NPAS3: variants seen among roughly 807,000 people sequenced by gnomAD.
The protein encoded by NPAS3 is neuronal PAS domain-containing protein 3.
NPAS3 carries 14 observed loss-of-function variants against 73.1 expected under a neutral mutation model. The ratio of observed to expected loss-of-function variants is 0.19; its 90% CI spans 0.13 to 0.30. NPAS3 has a LOEUF of 0.30. NPAS3 is among the 10% of genes least tolerant of loss of function. The probability of loss-of-function intolerance (pLI) is 1.00; values close to 1 mark genes in which losing one functional copy is unlikely to be tolerated. For synonymous variants in NPAS3, 620 were observed against 541.5 expected (o/e 1.14, Z -2.01); for missense variants, 1,096 against 1,250.0 (o/e 0.88, Z 1.86).
In NPAS3 at chr14:33,735,198, T is replaced by A. The variant is rs1198296294; in HGVS notation, c.734-16T>A. On this transcript the variant is annotated splice_polypyrimidine_tract_variant and intron_variant, in intron 6 of 11. Transcript: ENST00000356141. ...AAGATCTAAATCGTGTGTGTCTGTA[T>A]TTTTGTATTCCTCAGTGGAGTCAAC... The A allele has an allele frequency of 6.3e-7, 1 of 1,580,344 alleles. No homozygotes were observed. Among genetic ancestry groups the A allele is most frequent in the African/African-American group, 1.3e-5 (1 of 74,206 alleles).
At chr14:33,163,195 G>A (rs1171797175) in intron 2 of NPAS3, among the ~76,000 whole-genome samples, 1 of 152,146 alleles carries the variant, frequency 6.6e-6, no homozygotes, top group Admixed American at 6.6e-5. Context: ...TTACCTCAAG[G>A]TGTTTAGTTC....
chr14:33,417,017 A>G (rs562762656), intron 4 of NPAS3, among the ~76,000 whole-genome samples: 19 of 152,094 alleles, frequency 1.2e-4, no homozygotes, highest in African/African-American at 4.6e-4. Context: ...TTATATTTAT[A>G]TGATTCTTAT....
At chr14:33,782,566 T>C (rs1382933010) in intron 9 of NPAS3, among the ~76,000 whole-genome samples, 1 of 152,188 alleles carries the variant, frequency 6.6e-6, no homozygotes, top group Admixed American at 6.5e-5. Flanking sequence ...AAGAGTGGCC[T>C]AGGGGAAAAC....
At chr14:33,331,823 T>G (rs1204809361) in intron 3 of NPAS3, among the ~76,000 whole-genome samples, 1 of 152,220 alleles carries the variant, frequency 6.6e-6, no homozygotes, top group Non-Finnish European at 1.5e-5. Flanking sequence ...ATGAGTAAAA[T>G]ATTCTTACGT....
chr14:33,771,793 A>G (rs2062662209), intron 7 of NPAS3, among the ~76,000 whole-genome samples: 1 of 152,100 alleles, frequency 6.6e-6, no homozygotes, highest in South Asian at 2.1e-4. Flanking sequence ...CCTGGGCGAC[A>G]GAGCGAGACT....
intron 5 of NPAS3, among the ~76,000 whole-genome samples, chr14:33,647,613 C>G (rs2058871023): frequency 6.6e-6 from 1 of 152,100 alleles, no homozygotes; most frequent in Admixed American, 6.6e-5. Flanking sequence ...GCTATTTACA[C>G]TGAAATTTTT....
At chr14:33,113,576 A>G (rs1232929223) in intron 2 of NPAS3, among the ~76,000 whole-genome samples, 20 of 151,994 alleles carry the variant, frequency 1.3e-4, no homozygotes, top group Admixed American at 1.3e-3. Flanking sequence ...GGCTGAGACA[A>G]TAGGGTTTTC....
chr14:33,643,911 C>T (rs1256249369), intron 5 of NPAS3, among the ~76,000 whole-genome samples: 1 of 151,980 alleles, frequency 6.6e-6, no homozygotes, highest in Non-Finnish European at 1.5e-5. Flanking sequence ...CTAAAGACTG[C>T]TTGTCTTGTC....
At chr14:33,327,296 G>A (rs976894409) in intron 3 of NPAS3, among the ~76,000 whole-genome samples, 1 of 152,178 alleles carries the variant, frequency 6.6e-6, no homozygotes, top group African/African-American at 2.4e-5. Context: ...TGTGCTAAAA[G>A]TTGTATGTAC....
chr14:33,680,022 A>T (rs2059888691), intron 6 of NPAS3, among the ~76,000 whole-genome samples: 1 of 152,200 alleles, frequency 6.6e-6, no homozygotes. Context: ...TGACTGGAAC[A>T]TTTTGGAAGA....
intron 5 of NPAS3, among the ~76,000 whole-genome samples, chr14:33,660,968 TAA>T (rs1226266170): frequency 6.6e-6 from 1 of 152,224 alleles, no homozygotes; most frequent in Non-Finnish European, 1.5e-5. Flanking sequence ...TGATATGTGT[TAA>T]GAGTCTTTCT....
At chr14:33,532,683 G>A (rs2054096961) in intron 4 of NPAS3, among the ~76,000 whole-genome samples, 2 of 152,058 alleles carry the variant, frequency 1.3e-5, no homozygotes, top group Non-Finnish European at 1.5e-5. Flanking sequence ...GCTGTAAGTC[G>A]CTATTATCCA....
At chr14:33,145,726 G>T (rs778589176) in intron 2 of NPAS3, among the ~76,000 whole-genome samples, 1 of 152,008 alleles carries the variant, frequency 6.6e-6, no homozygotes, top group Middle Eastern at 3.4e-3. Context: ...TTGCCTATTC[G>T]TTTCTTTCCT....
intron 5 of NPAS3, among the ~76,000 whole-genome samples, chr14:33,571,225 A>G (rs115350964): frequency 0.011 from 1,640 of 152,280 alleles, 32 homozygotes; most frequent in African/African-American, 0.037. Context: ...GCTGCTAGTC[A>G]GGCCAGTGAC....
chr14:33,459,213 A>G (rs552138514), intron 4 of NPAS3, among the ~76,000 whole-genome samples: 1 of 152,178 alleles, frequency 6.6e-6, no homozygotes, highest in Admixed American at 6.5e-5. Context: ...ACTGACCTGT[A>G]TCTTGTGCCG....
intron 5 of NPAS3, among the ~76,000 whole-genome samples, chr14:33,583,706 A>G (rs180844824): frequency 8.5e-4 from 129 of 152,364 alleles, no homozygotes; most frequent in Non-Finnish European, 1.6e-3. Flanking sequence ...TTTTAAAGAG[A>G]CTATAGACAT....
At chr14:33,051,273 T>C in intron 1 of NPAS3, among the ~76,000 whole-genome samples, 1 of 66,194 alleles carries the variant, frequency 1.5e-5, no homozygotes, top group Admixed American at 1.6e-4. Context: ...AGAGCGAGAC[T>C]CCGTCTCAAA....
chr14:33,660,370 G>C lies in NPAS3; in HGVS notation c.559-15841G>C, dbSNP rs192293885. ...CTAAACTGAAACTGTTATTCCTGAGGCTTCCTTGTTCTTTTATGGATAAAG... is the reference window on the plus strand; with the variant it reads ...CTAAACTGAAACTGTTATTCCTGAGCCTTCCTTGTTCTTTTATGGATAAAG... On this transcript the variant is annotated intron_variant, in intron 5 of 11. Transcript: ENST00000356141. 8.5e-5 allele frequency among the ~76,000 whole-genome samples: 13 copies of C among 152,212 alleles called. No homozygotes were observed. The East Asian group carries it at 2.3e-3, about 27-fold the overall frequency.
chr14:33,118,632 T>C (rs148270423), intron 2 of NPAS3, among the ~76,000 whole-genome samples: 11 of 152,216 alleles, frequency 7.2e-5, no homozygotes, highest in Non-Finnish European at 1.6e-4. Flanking sequence ...CACAAACAAA[T>C]TCATTAATTA....
Sources: allele counts gnomAD v4.1 joint callset (sites outside exome capture counted in the v4.1 genomes callset), GRCh38; gene constraint gnomAD v4.1.1; transcripts MANE v1.5; gene names NCBI Gene and HGNC (gene_info 2026-07-23, HGNC 2026-07-21).